KLHL15: variants seen among roughly 807,000 people sequenced by gnomAD.
KLHL15 encodes the protein kelch-like protein 15.
In KLHL15, 1 loss-of-function variant was observed where a neutral mutation model predicts 29.3. The observed-to-expected ratio is 0.03, with a 90% CI of 0.01 to 0.16. KLHL15 has a LOEUF of 0.16. Ranked by LOEUF, KLHL15 falls within the 10% of genes least tolerant of loss-of-function variation. The pLI, the probability that KLHL15 is intolerant of heterozygous loss-of-function variation, is 1.00. For missense variants in KLHL15, 215 were observed against 478.5 expected (o/e 0.45, Z 5.14); for synonymous variants, 212 against 184.5 (o/e 1.15, Z -1.21).
chrX:24,007,663 C>T (rs1013621865), intron 2 of KLHL15, among the ~76,000 whole-genome samples: 3 of 107,278 alleles, frequency 2.8e-5, no homozygotes, highest in African/African-American at 1.0e-4. Context: ...CAGCCAAATA[C>T]TAAATAATGA....
At chrX:24,019,648 C>CAA (rs1336380538) in intron 2 of KLHL15, among the ~76,000 whole-genome samples, 1 of 110,801 alleles carries the variant, frequency 9.0e-6, no homozygotes, top group African/African-American at 3.3e-5. Flanking sequence ...AGTGACAACA[C>CAA]ACACACACAC....
chrX:24,004,563 C>T (rs1929405959), intron 3 of KLHL15, among the ~76,000 whole-genome samples: 1 of 110,930 alleles, frequency 9.0e-6, no homozygotes, highest in African/African-American at 3.3e-5. Flanking sequence ...GAGGCCAAGG[C>T]GGGTGGATCA....
rs1339870769 is a variant in KLHL15, at chrX:24,006,247, T to C, written c.447A>G (p.Gly149=). Residue 149 remains glycine (G), a synonymous_variant, in exon 3 of 4, where the codon GGA becomes GGG. Transcript: ENST00000328046. ...GAAAGGTGTCTAACTTCTCCCTGAC[T>C]CCCTCGATGTTTACGCCGAAATCAT... is the stretch of plus-strand genomic sequence containing the variant. ...LLDDFGVNIE[G]VREKLDTFLL... 8.3e-7 allele frequency: 1 copy of C among 1,209,644 alleles called. No homozygotes were observed. Among genetic ancestry groups the C allele is most frequent in the Non-Finnish European group, 1.1e-6 (1 of 895,100 alleles).
At chrX:24,018,009 G>A (rs1929725646) in intron 2 of KLHL15, among the ~76,000 whole-genome samples, 1 of 110,554 alleles carries the variant, frequency 9.0e-6, no homozygotes, top group Admixed American at 9.8e-5. Flanking sequence ...GGAGGCTGAG[G>A]CAGGAAAATC....
At chrX:23,998,832 T>TG (rs777675284) in intron 3 of KLHL15, among the ~76,000 whole-genome samples, 14 of 112,248 alleles carry the variant, frequency 1.2e-4, no homozygotes, top group Middle Eastern at 9.1e-3. Flanking sequence ...CCAGACTCTC[T>TG]GATCCTTTTC....
At chrX:24,014,609 AAAG>A (rs1192854203) in intron 2 of KLHL15, among the ~76,000 whole-genome samples, 2 of 111,688 alleles carry the variant, frequency 1.8e-5, no homozygotes, top group Non-Finnish European at 3.8e-5. Context: ...GTGGGGGAAA[AAAG>A]AGGAGGAGGA....
intron 2 of KLHL15, among the ~76,000 whole-genome samples, chrX:24,009,973 G>C (rs1221449699): frequency 4.9e-3 from 365 of 74,667 alleles, no homozygotes; most frequent in Non-Finnish European, 6.7e-3. Context: ...CTGGGCAACA[G>C]AGCAAGACTC....
intron 3 of KLHL15, among the ~76,000 whole-genome samples, chrX:23,994,470 G>T (rs1438485389): frequency 8.9e-6 from 1 of 112,201 alleles, no homozygotes. Flanking sequence ...AAAAGAGTGA[G>T]GTTGATCCAT....
chrX:24,009,101 G>C (rs982171933), intron 2 of KLHL15, among the ~76,000 whole-genome samples: 1 of 111,778 alleles, frequency 8.9e-6, no homozygotes, highest in African/African-American at 3.3e-5. Flanking sequence ...GCTCACACCT[G>C]TAATCCCAGC....
At chrX:24,014,528 A>T (rs1929637049) in intron 2 of KLHL15, among the ~76,000 whole-genome samples, 1 of 107,687 alleles carries the variant, frequency 9.3e-6, no homozygotes, top group African/African-American at 3.3e-5. Context: ...AAAACAAAAA[A>T]ACAAAAAAAA....
At chrX:23,997,135 T>G (rs1297336901) in intron 3 of KLHL15, among the ~76,000 whole-genome samples, 1 of 75,291 alleles carries the variant, frequency 1.3e-5, no homozygotes, top group Non-Finnish European at 2.2e-5. Flanking sequence ...AGAGGTGCCC[T>G]CAGGGCAAGA....
intron 2 of KLHL15, among the ~76,000 whole-genome samples, chrX:24,012,841 C>T (rs2147107804): frequency 9.0e-6 from 1 of 111,356 alleles, no homozygotes; most frequent in African/African-American, 3.3e-5. Context: ...ACCTTTAAGT[C>T]CTATTGATTC....
chrX:24,020,325 C>T (rs6418536), intron 2 of KLHL15, among the ~76,000 whole-genome samples: 19,833 of 111,574 alleles, frequency 0.18, 1,457 homozygotes, highest in South Asian at 0.52. Context: ...GCTCTATTAG[C>T]GGTCACTTTA....
chrX:24,000,473 A>C (rs1454813339), intron 3 of KLHL15, among the ~76,000 whole-genome samples: 1 of 106,499 alleles, frequency 9.4e-6, no homozygotes, highest in Non-Finnish European at 1.9e-5. Context: ...AAAATAAATA[A>C]ATAAATAAAT....
At chrX:24,015,925 G>A (rs1802435239) in intron 2 of KLHL15, among the ~76,000 whole-genome samples, 1 of 110,821 alleles carries the variant, frequency 9.0e-6, no homozygotes, top group Admixed American at 9.6e-5. Flanking sequence ...CTTGAACCTG[G>A]GAGGCGGAGG....
intron 3 of KLHL15, among the ~76,000 whole-genome samples, chrX:23,995,702 G>T (rs1929174003): frequency 9.0e-6 from 1 of 110,631 alleles, no homozygotes; most frequent in Admixed American, 9.8e-5. Flanking sequence ...TGGGATTACA[G>T]GCATGAGCCA....
At chrX:24,011,408 C>A (rs5925635) in intron 2 of KLHL15, among the ~76,000 whole-genome samples, 17,918 of 109,053 alleles carry the variant, frequency 0.16, 1,401 homozygotes, top group South Asian at 0.54. Flanking sequence ...CACTTTGGGA[C>A]ACCAAGGTAG....
chrX:23,992,596 G>A (rs1490868459), intron 3 of KLHL15, among the ~76,000 whole-genome samples: 1 of 112,131 alleles, frequency 8.9e-6, no homozygotes, highest in Non-Finnish European at 1.9e-5. Flanking sequence ...TATTGGATAG[G>A]CAGATTTCAA....
chrX:24,022,755 C>T (rs1288392741), intron 2 of KLHL15, among the ~76,000 whole-genome samples: 1 of 103,470 alleles, frequency 9.7e-6, no homozygotes, highest in East Asian at 3.0e-4. Flanking sequence ...GTTTTGCTCT[C>T]GTCGCCCAGG....
Sources: gnomAD v4.1 joint callset for allele counts (sites outside exome capture counted in the v4.1 genomes callset) on GRCh38, gnomAD v4.1.1 for gene constraint, MANE v1.5 for transcripts, NCBI Gene and HGNC (gene_info 2026-07-23, HGNC 2026-07-21) for gene names.